Variants in PTPRO observed in about 807,000 individuals in gnomAD.
PTPRO encodes receptor-type tyrosine-protein phosphatase O.
PTPRO carries 62 observed loss-of-function variants against 145.2 expected under a neutral mutation model. The ratio of observed to expected loss-of-function variants is 0.43; its 90% CI spans 0.35 to 0.53. The LOEUF is 0.53. PTPRO is among the 20% of genes least tolerant of loss of function. The pLI, the probability that PTPRO is intolerant of heterozygous loss-of-function variation, is 0.01. For synonymous variants in PTPRO, 565 were observed against 514.7 expected (o/e 1.10, Z -1.32); for missense variants, 1,345 against 1,482.7 (o/e 0.91, Z 1.53).
chr12:15,393,577 G>T (rs1939250493), intron 1 of PTPRO, among the ~76,000 whole-genome samples: 1 of 151,484 alleles, frequency 6.6e-6, no homozygotes, highest in Non-Finnish European at 1.5e-5. Context: ...TTTTTCAAAT[G>T]TTCCATAATT....
At chr12:15,515,976 G>GTT (rs779273373) in intron 8 of PTPRO, among the ~76,000 whole-genome samples, 10,816 of 126,156 alleles carry the variant, frequency 0.086, 796 homozygotes, top group African/African-American at 0.19. Flanking sequence ...TGTTTGTCTG[G>GTT]TTTTTTTTTT....
chr12:15,403,929 G>C (rs1939572633), intron 1 of PTPRO, among the ~76,000 whole-genome samples: 1 of 151,894 alleles, frequency 6.6e-6, no homozygotes, highest in Non-Finnish European at 1.5e-5. Flanking sequence ...CAGGCACTGT[G>C]GCTCACACCT....
At chr12:15,464,734 G>A (rs1285325778) in intron 1 of PTPRO, among the ~76,000 whole-genome samples, 1 of 151,800 alleles carries the variant, frequency 6.6e-6, no homozygotes, top group Non-Finnish European at 1.5e-5. Flanking sequence ...TAACCTGTGT[G>A]GATTATTGTA....
chr12:15,520,444 ATTGATTCT>A lies in PTPRO; in HGVS notation c.1891+133_1891+140del, dbSNP rs541459011. 1.5e-5 allele frequency: 10 copies of A among 673,324 alleles called. 1 individual carries two copies. In the South Asian group the frequency reaches 1.6e-4, roughly 11 times the overall value. The allele number at this position is 673,324 out of a possible 1,614,324, so 41.7% of individuals were successfully genotyped here. On this transcript the variant is annotated intron_variant, in intron 10 of 26. Coordinates refer to ENST00000281171, the MANE Select transcript of PTPRO (RefSeq NM_030667.3). ...GAGCATCAATTTCATGGGAGATAAT[ATTGATTCT>A]GATCATTCATTATTTTGTTTAGTTG...
At chr12:15,347,512 T>C (rs1304265068) in intron 1 of PTPRO, among the ~76,000 whole-genome samples, 1 of 152,208 alleles carries the variant, frequency 6.6e-6, no homozygotes, top group Non-Finnish European at 1.5e-5. Flanking sequence ...TAATTAATTT[T>C]TAGTTACCTA....
intron 5 of PTPRO, 34 bp downstream of exon 5, chr12:15,502,097 T>G (rs375020861): frequency 6.4e-7 from 1 of 1,552,686 alleles, no homozygotes; most frequent in African/African-American, 1.4e-5. Context: ...AAATAAGAAC[T>G]GATACAAAGG....
intron 1 of PTPRO, among the ~76,000 whole-genome samples, chr12:15,411,849 C>A (rs1301540523): frequency 6.6e-6 from 1 of 152,196 alleles, no homozygotes; most frequent in Non-Finnish European, 1.5e-5. Flanking sequence ...CTTGACTTAG[C>A]CTAGCCCTAT....
intron 1 of PTPRO, chr12:15,440,041 G>C (rs1273161002): frequency 4.6e-6 from 3 of 653,660 alleles, no homozygotes; most frequent in East Asian, 2.8e-5. Context: ...GGGGTAACAA[G>C]ATCTGCAAGC....
intron 1 of PTPRO, among the ~76,000 whole-genome samples, chr12:15,370,268 C>T (rs1299829928): frequency 6.6e-6 from 1 of 152,066 alleles, no homozygotes; most frequent in Non-Finnish European, 1.5e-5. Context: ...AAAATCCCAG[C>T]CTCCTTTATG....
At chr12:15,395,977 A>G (rs1939327634) in intron 1 of PTPRO, among the ~76,000 whole-genome samples, 1 of 152,190 alleles carries the variant, frequency 6.6e-6, no homozygotes, top group Non-Finnish European at 1.5e-5. Context: ...GTTATAAATG[A>G]AAGTAGGTGT....
chr12:15,547,321 T>C (rs931779854), intron 13 of PTPRO, among the ~76,000 whole-genome samples: 2 of 152,110 alleles, frequency 1.3e-5, no homozygotes, highest in Admixed American at 6.5e-5. Context: ...CAGGTCAGAA[T>C]GAATGAAAGG....
intron 12 of PTPRO, among the ~76,000 whole-genome samples, chr12:15,530,383 T>C (rs1417436981): frequency 6.6e-6 from 1 of 152,130 alleles, no homozygotes; most frequent in Non-Finnish European, 1.5e-5. Context: ...ATAGGCCTAA[T>C]AGACATTTAA....
At chr12:15,592,806 T>A (rs544430472) in intron 25 of PTPRO, among the ~76,000 whole-genome samples, 35 of 152,236 alleles carry the variant, frequency 2.3e-4, no homozygotes, top group Non-Finnish European at 4.9e-4. Context: ...AAGTGCTACT[T>A]ATGAATGATG....
At chr12:15,568,807 C>T (rs1196577347) in intron 18 of PTPRO, among the ~76,000 whole-genome samples, 2 of 152,230 alleles carry the variant, frequency 1.3e-5, no homozygotes, top group South Asian at 2.1e-4. Context: ...ATAACTCACT[C>T]CAGTGAGACC....
intron 12 of PTPRO, among the ~76,000 whole-genome samples, chr12:15,527,875 A>ACCCCCCCACCACCCC (rs1555173370): frequency 4.9e-4 from 67 of 137,696 alleles, no homozygotes; most frequent in African/African-American, 7.9e-4. Flanking sequence ...GGGAACTGTG[A>ACCCCCCCACCACCCC]CCCGCCCACG....
At chr12:15,391,717 G>A (rs1591769381) in intron 1 of PTPRO, among the ~76,000 whole-genome samples, 1 of 152,332 alleles carries the variant, frequency 6.6e-6, no homozygotes, top group African/African-American at 2.4e-5. Flanking sequence ...TCAACTTAAA[G>A]TGAGACAGAG....
intron 12 of PTPRO, among the ~76,000 whole-genome samples, chr12:15,543,072 T>C (rs1943211964): frequency 6.6e-6 from 1 of 152,230 alleles, no homozygotes; most frequent in Admixed American, 6.5e-5. Context: ...TCCTTTGGGA[T>C]ACCAGAGTTA....
rs888816625 is a variant in PTPRO, at chr12:15,596,613, A to G, written c.*540A>G. On this transcript the variant is annotated 3_prime_UTR_variant, in exon 27 of 27. Transcript: ENST00000281171. The stretch of plus-strand genomic sequence containing the variant: ...ACTTCAAAGAAATTGAGCCAGCACT[A>G]TCTGTACTCCAACATTACCGGATCT... 6.6e-6 allele frequency: 1 copy of G among 152,546 alleles called. No individual in the cohort carries two copies. Among genetic ancestry groups the G allele is most frequent in the Non-Finnish European group, 1.5e-5 (1 of 68,050 alleles). The allele number at this position is 152,546 out of a possible 1,614,324, so 9.4% of individuals were successfully genotyped here.
chr12:15,573,340 C>T (rs1409563444), intron 19 of PTPRO, among the ~76,000 whole-genome samples: 1 of 152,166 alleles, frequency 6.6e-6, no homozygotes, highest in African/African-American at 2.4e-5. Flanking sequence ...ATCAGCCTTC[C>T]TCAAACTCTA....
Sources: allele counts gnomAD v4.1 joint callset (sites outside exome capture counted in the v4.1 genomes callset), GRCh38; gene constraint gnomAD v4.1.1; transcripts MANE v1.5; gene names NCBI Gene and HGNC (gene_info 2026-07-23, HGNC 2026-07-21).